SGCZ: variants seen among roughly 807,000 people sequenced by gnomAD.
The protein encoded by SGCZ is zeta-sarcoglycan.
Under a neutral mutation model 41.3 loss-of-function variants are expected in SGCZ, and 40 were observed. That is an observed-to-expected ratio of 0.97 (90% confidence interval 0.75 to 1.26). The LOEUF is 1.26. SGCZ is among the 50% of genes most tolerant of loss of function. SGCZ has a pLI of 0.00. For synonymous variants in SGCZ, 206 were observed against 137.5 expected, an observed-to-expected ratio of 1.50 and a Z score of -3.49; for missense variants, 552 against 369.8, an observed-to-expected ratio of 1.49 and a Z score of -4.04.
intron 2 of SGCZ, among the ~76,000 whole-genome samples, chr8:14,521,444 C>T (rs1475533758): frequency 6.6e-6 from 1 of 152,080 alleles, no homozygotes; most frequent in Non-Finnish European, 1.5e-5. Flanking sequence ...AACAAACCTG[C>T]ACTTGTACCC....
intron 2 of SGCZ, among the ~76,000 whole-genome samples, chr8:14,374,548 G>C (rs1276157328): frequency 6.6e-6 from 1 of 150,688 alleles, no homozygotes; most frequent in Admixed American, 6.6e-5. Flanking sequence ...AATAAAGAGA[G>C]AAAAGTATAA....
intron 3 of SGCZ, among the ~76,000 whole-genome samples, chr8:14,260,553 T>C (rs918859126): frequency 1.4e-5 from 2 of 147,800 alleles, no homozygotes; most frequent in Non-Finnish European, 3.0e-5. Flanking sequence ...TCCTCAGGGA[T>C]CTAGAACTGG....
chr8:15,031,203 A>T (rs965507528), intron 1 of SGCZ, among the ~76,000 whole-genome samples: 1 of 152,158 alleles, frequency 6.6e-6, no homozygotes, highest in African/African-American at 2.4e-5. Context: ...TATTAATTTT[A>T]AAAAATTTAT....
At chr8:14,434,560 T>C (rs1223949463) in intron 2 of SGCZ, among the ~76,000 whole-genome samples, 1 of 152,214 alleles carries the variant, frequency 6.6e-6, no homozygotes, top group Non-Finnish European at 1.5e-5. Context: ...CTTTTGGCAG[T>C]GTGGTCATTT....
chr8:14,678,621 C>A (rs988980906), intron 1 of SGCZ, among the ~76,000 whole-genome samples: 4 of 152,216 alleles, frequency 2.6e-5, no homozygotes. Flanking sequence ...CTGGAAAAGG[C>A]TTTGACAGTT....
chr8:14,707,192 C>A (rs532721221), intron 1 of SGCZ, among the ~76,000 whole-genome samples: 6 of 112,136 alleles, frequency 5.4e-5, no homozygotes, highest in Non-Finnish European at 8.7e-5. Flanking sequence ...CCTCCCCCCA[C>A]CCCACAACAG....
chr8:14,634,240 T>C (rs904344404), intron 1 of SGCZ, among the ~76,000 whole-genome samples: 1 of 151,904 alleles, frequency 6.6e-6, no homozygotes, highest in Non-Finnish European at 1.5e-5. Context: ...TAGATTTGTG[T>C]CCATAGTATC....
intron 1 of SGCZ, among the ~76,000 whole-genome samples, chr8:15,062,693 G>C (rs1804981508): frequency 6.6e-6 from 1 of 152,108 alleles, no homozygotes; most frequent in Non-Finnish European, 1.5e-5. Flanking sequence ...AGATAAAGCA[G>C]TTATTTTGAG....
chr8:14,251,194 C>T (rs1476065259), intron 3 of SGCZ, among the ~76,000 whole-genome samples: 1 of 152,088 alleles, frequency 6.6e-6, no homozygotes, highest in Non-Finnish European at 1.5e-5. Flanking sequence ...TGCCACTGTA[C>T]TCCAGTCTGG....
At chr8:14,335,051 A>T (rs1432892435) in intron 2 of SGCZ, among the ~76,000 whole-genome samples, 1 of 152,118 alleles carries the variant, frequency 6.6e-6, no homozygotes, top group African/African-American at 2.4e-5. Flanking sequence ...AAAGCACATG[A>T]AGACACAGAT....
At chr8:14,712,623 A>G (rs1585201830) in intron 1 of SGCZ, among the ~76,000 whole-genome samples, 1 of 152,076 alleles carries the variant, frequency 6.6e-6, no homozygotes, top group African/African-American at 2.4e-5. Context: ...CAAGGGAAGC[A>G]CCTCTTGGAT....
intron 1 of SGCZ, among the ~76,000 whole-genome samples, chr8:15,017,598 C>T (rs572080717): frequency 1.3e-5 from 2 of 152,154 alleles, no homozygotes; most frequent in East Asian, 3.9e-4. Flanking sequence ...ACCTCCCAGG[C>T]TCAAGTGATC....
intron 4 of SGCZ, among the ~76,000 whole-genome samples, chr8:14,169,355 C>T (rs1298547085): frequency 6.6e-6 from 1 of 152,126 alleles, no homozygotes; most frequent in African/African-American, 2.4e-5. Flanking sequence ...TATTGAACAC[C>T]ATTTTCAATT....
intron 3 of SGCZ, among the ~76,000 whole-genome samples, chr8:14,280,760 C>A (rs1800399529): frequency 6.7e-6 from 1 of 149,384 alleles, no homozygotes; most frequent in African/African-American, 2.5e-5. Flanking sequence ...TACTTTTGTG[C>A]TATTAGCTTG....
chr8:15,188,315 G>A (rs1585654529), intron 1 of SGCZ, among the ~76,000 whole-genome samples: 1 of 152,044 alleles, frequency 6.6e-6, no homozygotes, highest in Admixed American at 6.5e-5. Context: ...TTAGCTCCTA[G>A]AACATCTGTT....
chr8:15,029,712 T>C (rs1803589261), intron 1 of SGCZ, among the ~76,000 whole-genome samples: 1 of 152,142 alleles, frequency 6.6e-6, no homozygotes. Context: ...ATCCCATTTT[T>C]GTTTCTCTAC....
chr8:14,129,177 C>G (rs1802956878), intron 5 of SGCZ, among the ~76,000 whole-genome samples: 1 of 147,336 alleles, frequency 6.8e-6, no homozygotes, highest in African/African-American at 2.5e-5. Flanking sequence ...TGAAACCCCT[C>G]TCTACTAAAA....
intron 4 of SGCZ, among the ~76,000 whole-genome samples, chr8:14,220,487 A>G (rs1016082895): frequency 6.6e-6 from 1 of 152,182 alleles, no homozygotes; most frequent in African/African-American, 2.4e-5. Flanking sequence ...CCGTGATCTT[A>G]GGTGCACTGC....
chr8:14,446,586 G>T (rs1464728354), intron 2 of SGCZ, among the ~76,000 whole-genome samples: 1 of 152,088 alleles, frequency 6.6e-6, no homozygotes, highest in Admixed American at 6.5e-5. Context: ...ATTTTACTGT[G>T]CTACAAAATG....
Sources: gnomAD v4.1 joint callset for allele counts (sites outside exome capture counted in the v4.1 genomes callset) on GRCh38, gnomAD v4.1.1 for gene constraint, MANE v1.5 for transcripts, NCBI Gene and HGNC (gene_info 2026-07-23, HGNC 2026-07-21) for gene names.